The following ADARB2 variants were observed in gnomAD, a reference collection of about 807,000 sequenced individuals.
ADARB2 encodes inactive double-stranded RNA-specific editase B2.
Under a neutral mutation model 62.2 loss-of-function variants are expected in ADARB2, and 25 were observed. That is an observed-to-expected ratio of 0.40 (90% confidence interval 0.29 to 0.56). The LOEUF (loss-of-function observed/expected upper bound fraction) is 0.56. Among genes scored for constraint, ADARB2 ranks in the 20% least tolerant of loss-of-function variants. The pLI is 0.43. For missense variants in ADARB2, 1,071 were observed against 1,077.4 expected, an observed-to-expected ratio of 0.99 and a Z score of 0.08; for synonymous variants, 572 against 500.8, an observed-to-expected ratio of 1.14 and a Z score of -1.90.
rs566671466 is a variant in ADARB2 at position 1,653,344 on chromosome 10, C to A, written c.100+83707G>T. Among the ~76,000 whole-genome samples, 26 of 152,304 alleles carry A rather than the reference C, an allele frequency of 1.7e-4. No homozygotes were observed. In the East Asian group the frequency reaches 4.3e-3, roughly 25 times the overall value. ...TGCTGTTGAGACACAGAAAGAACCT[C>A]CCTTGCTGGTGTCTGGCAGAGGGTG... On this transcript the variant is annotated intron_variant, in intron 1 of 9. Transcript: ENST00000381312.
intron 1 of ADARB2, among the ~76,000 whole-genome samples, chr10:1,645,718 T>C (rs1408920680): frequency 1.3e-5 from 2 of 152,286 alleles, no homozygotes; most frequent in East Asian, 1.9e-4. Context: ...CTCCCTGCCA[T>C]CTACACCTCA....
intron 9 of ADARB2, among the ~76,000 whole-genome samples, 189 bp from the exon 10 acceptor site, chr10:1,183,558 C>T (rs1248962664): frequency 1.3e-5 from 2 of 152,208 alleles, no homozygotes; most frequent in Admixed American, 6.5e-5. Flanking sequence ...CAAGGAAACC[C>T]GCTTCATCTG....
chr10:1,269,780 T>C (rs1361863528), intron 4 of ADARB2, among the ~76,000 whole-genome samples: 13 of 152,332 alleles, frequency 8.5e-5, no homozygotes, highest in Admixed American at 2.6e-4. Context: ...CGGTGCCCAA[T>C]TGATGGCTGC....
chr10:1,543,413 T>C (rs1187016313), intron 1 of ADARB2, among the ~76,000 whole-genome samples: 2 of 152,230 alleles, frequency 1.3e-5, no homozygotes, highest in African/African-American at 4.8e-5. Context: ...ACAAGCCTGT[T>C]ATTCAGTATT....
chr10:1,339,663 C>T (rs886268849), intron 3 of ADARB2, among the ~76,000 whole-genome samples: 1 of 152,178 alleles, frequency 6.6e-6, no homozygotes, highest in African/African-American at 2.4e-5. Context: ...CTTTTCTGGC[C>T]ATGAAAAGCT....
At chr10:1,282,125 C>A (rs1010061892) in intron 3 of ADARB2, among the ~76,000 whole-genome samples, 4 of 152,194 alleles carry the variant, frequency 2.6e-5, no homozygotes, top group African/African-American at 4.8e-5. Flanking sequence ...TAATTAATCT[C>A]TTTCTCCAGG....
intron 8 of ADARB2, among the ~76,000 whole-genome samples, chr10:1,188,656 T>C (rs1174323326): frequency 6.6e-6 from 1 of 151,764 alleles, no homozygotes; most frequent in Non-Finnish European, 1.5e-5. Context: ...GAGATAGTGT[T>C]GGGATGTTTC....
Position 1,217,000 on chromosome 10 carries a change from G to A in ADARB2, c.1633C>T (p.Leu545=), listed in dbSNP as rs572576793. Reference sequence around the variant, plus strand: ...ATGGTGATCAGCTGCTCCCCCAGCAGGACGCCGTCCCAGGTCTGCACTGCG... The same window carrying A: ...ATGGTGATCAGCTGCTCCCCCAGCAAGACGCCGTCCCAGGTCTGCACTGCG... The part of the protein sequence containing the change: ...PSAVQTWDGV[L]LGEQLITMSC... The change falls in exon 7 of 10, where the codon CTG becomes TTG. Residue 545 remains leucine, a synonymous_variant. Coordinates refer to ENST00000381312, the MANE Select transcript of ADARB2 (RefSeq NM_018702.4). 1.2e-5 allele frequency: 19 copies of A among 1,610,472 alleles called. No individual in the cohort carries two copies. The highest frequency in any genetic ancestry group is 1.7e-5 in the Admixed American group (1 of 59,960).
At chr10:1,559,451 A>C (rs1832758033) in intron 1 of ADARB2, among the ~76,000 whole-genome samples, 1 of 151,990 alleles carries the variant, frequency 6.6e-6, no homozygotes, top group East Asian at 1.9e-4. Context: ...CACTGGGTGG[A>C]CGCCTGTGCC....
chr10:1,432,740 G>A lies in ADARB2; in HGVS notation c.101-53580C>T, dbSNP rs1001007119. Reference sequence around the variant, plus strand: ...TATGCTTATTCAAAGCTTATTCAAAGAATCAATGCAAAGGTCCCCAGGGCT... The same window carrying A: ...TATGCTTATTCAAAGCTTATTCAAAAAATCAATGCAAAGGTCCCCAGGGCT... On this transcript the variant is annotated intron_variant, in intron 1 of 9. Coordinates refer to ENST00000381312, the MANE Select transcript of ADARB2 (RefSeq NM_018702.4). 3.3e-5 allele frequency among the ~76,000 whole-genome samples: 5 copies of A among 151,330 alleles called. No individual in the cohort carries two copies. In the East Asian group the frequency reaches 9.6e-4, roughly 29 times the overall value.
intron 1 of ADARB2, among the ~76,000 whole-genome samples, chr10:1,575,577 G>T (rs1832999629): frequency 6.6e-6 from 1 of 152,214 alleles, no homozygotes; most frequent in African/African-American, 2.4e-5. Flanking sequence ...AGACACATGC[G>T]TGCAGACGCT....
At chr10:1,698,997 C>T (rs1330861930) in intron 1 of ADARB2, among the ~76,000 whole-genome samples, 1 of 152,208 alleles carries the variant, frequency 6.6e-6, no homozygotes, top group Non-Finnish European at 1.5e-5. Context: ...CTGACCTCAA[C>T]TTATACATCC....
intron 1 of ADARB2, among the ~76,000 whole-genome samples, chr10:1,618,619 A>T (rs1419653016): frequency 6.6e-6 from 1 of 152,058 alleles, no homozygotes; most frequent in African/African-American, 2.4e-5. Context: ...ATATTGGCTG[A>T]CTGCAACCTC....
At chr10:1,708,417 C>A (rs1588361025) in intron 1 of ADARB2, among the ~76,000 whole-genome samples, 1 of 152,254 alleles carries the variant, frequency 6.6e-6, no homozygotes, top group South Asian at 2.1e-4. Context: ...AAAATCTGCC[C>A]TGACTAAATA....
intron 1 of ADARB2, among the ~76,000 whole-genome samples, chr10:1,709,509 G>C (rs1834927468): frequency 6.6e-6 from 1 of 152,208 alleles, no homozygotes; most frequent in Admixed American, 6.5e-5. Context: ...ACTATGATGT[G>C]GAAGCCGGGC....
chr10:1,674,146 G>A (rs1834430540), intron 1 of ADARB2, among the ~76,000 whole-genome samples: 1 of 152,258 alleles, frequency 6.6e-6, no homozygotes, highest in Non-Finnish European at 1.5e-5. Context: ...CCAGGAATCA[G>A]CCCTGTGCAG....
At chr10:1,573,056 G>A (rs940928405) in intron 1 of ADARB2, among the ~76,000 whole-genome samples, 2 of 152,220 alleles carry the variant, frequency 1.3e-5, no homozygotes, top group Admixed American at 6.5e-5. Flanking sequence ...GCAGGCCAGC[G>A]AGCTCTCAGC....
At chr10:1,601,104 G>A (rs1456821738) in intron 1 of ADARB2, among the ~76,000 whole-genome samples, 1 of 152,200 alleles carries the variant, frequency 6.6e-6, no homozygotes, top group Non-Finnish European at 1.5e-5. Flanking sequence ...GTTTGCATTG[G>A]CCACAGACCG....
intron 1 of ADARB2, among the ~76,000 whole-genome samples, chr10:1,517,215 C>T (rs74121033): frequency 0.016 from 2,390 of 152,084 alleles, 59 homozygotes; most frequent in African/African-American, 0.054. Context: ...AGGGCACTAC[C>T]GTATGTGCTT....
Sources: gnomAD v4.1 joint callset for allele counts (sites outside exome capture counted in the v4.1 genomes callset) on GRCh38, gnomAD v4.1.1 for gene constraint, MANE v1.5 for transcripts, NCBI Gene and HGNC (gene_info 2026-07-23, HGNC 2026-07-21) for gene names.